Variants in SLC6A4 observed in about 807,000 individuals in gnomAD.
SLC6A4 encodes the protein sodium-dependent serotonin transporter.
Under a neutral mutation model 73.4 loss-of-function variants are expected in SLC6A4, and 22 were observed. The ratio of observed to expected loss-of-function variants is 0.30; its 90% CI spans 0.21 to 0.43. The LOEUF (loss-of-function observed/expected upper bound fraction) is 0.43, where lower values mean the gene tolerates loss of function less well. Ranked by LOEUF, SLC6A4 falls within the 20% of genes least tolerant of loss-of-function variation. SLC6A4 has a pLI of 1.00. For synonymous variants in SLC6A4, 270 were observed against 315.5 expected (o/e 0.86, Z 1.53); for missense variants, 593 against 808.5 (o/e 0.73, Z 3.23).
At chr17:30,229,796 G>A (rs1297118193) in intron 1 of SLC6A4, among the ~76,000 whole-genome samples, 5 of 151,914 alleles carry the variant, frequency 3.3e-5, no homozygotes, top group African/African-American at 4.8e-5. Context: ...CAAGGTGGGC[G>A]GATCACCTGA....
intron 13 of SLC6A4, chr17:30,206,082 T>C (rs1336521767): frequency 6.6e-6 from 1 of 152,134 alleles, no homozygotes. Context: ...ATGCTGGGAT[T>C]ACAGGTGTGA....
intron 1 of SLC6A4, among the ~76,000 whole-genome samples, chr17:30,229,783 G>A (rs1907030214): frequency 6.6e-6 from 1 of 151,966 alleles, no homozygotes; most frequent in Non-Finnish European, 1.5e-5. Context: ...CACTTTGGGA[G>A]GCCAAGGTGG....
At chr17:30,214,936 CTCTTTCTT>C (rs199760881) in intron 8 of SLC6A4, among the ~76,000 whole-genome samples, 5 of 150,988 alleles carry the variant, frequency 3.3e-5, no homozygotes, top group African/African-American at 9.8e-5. Flanking sequence ...CCCCGTCTCT[CTCTTTCTT>C]TCTTTCTTTC....
chr17:30,207,704 A>T (rs1185257652), intron 13 of SLC6A4, 28 bp downstream of exon 13: 1 of 1,458,272 alleles, frequency 6.9e-7, no homozygotes, highest in Middle Eastern at 1.7e-4. Context: ...TCGCCAGGGC[A>T]AGGAGGAGAA....
intron 10 of SLC6A4, 53 bp from the exon 11 acceptor site, chr17:30,210,699 C>A (rs1368329325): frequency 1.9e-6 from 3 of 1,563,072 alleles, no homozygotes; most frequent in Admixed American, 1.9e-5. Flanking sequence ...AAGGCTGTGG[C>A]CTTCAGGACA....
chr17:30,223,936 C>CATTT (rs993117921), intron 1 of SLC6A4, among the ~76,000 whole-genome samples: 6 of 152,206 alleles, frequency 3.9e-5, no homozygotes, highest in Non-Finnish European at 8.8e-5. Context: ...CATAGGTAAC[C>CATTT]ATTTACCAGG....
At chr17:30,208,194 G>C (rs1236877061) in intron 12 of SLC6A4, among the ~76,000 whole-genome samples, 1 of 152,092 alleles carries the variant, frequency 6.6e-6, no homozygotes, top group East Asian at 1.9e-4. Flanking sequence ...CCCCCTTCTT[G>C]GTGCCACACC....
intron 5 of SLC6A4, 63 bp from the exon 6 acceptor site, chr17:30,217,367 G>C: frequency 6.6e-7 from 1 of 1,520,886 alleles, no homozygotes. Flanking sequence ...GCACACATCT[G>C]TGCTGCTCCT....
In SLC6A4 at chr17:30,216,196, G is replaced by A. The variant is rs1963298913; in HGVS notation, c.858C>T (p.Thr286=). The A allele has an allele frequency of 6.2e-7, 1 of 1,610,328 alleles. No individual in the cohort carries two copies. The highest frequency in any genetic ancestry group is 8.5e-7 in the Non-Finnish European group (1 of 1,178,176). The change falls in exon 7 of 15, where the codon ACC becomes ACT. Residue 286 remains threonine, a synonymous_variant. Transcript: ENST00000650711. ...TSGKVVWVTA[T]FPYIILSVLL... is the part of the protein sequence containing the mutation. ...GGACAGAAAGGATGATATAAGGGAA[G>A]GTGGCTGTCACCCACACCACCTGTA... is the stretch of plus-strand genomic sequence containing the variant.
chr17:30,218,697 G>A (rs966171619), intron 4 of SLC6A4, 100 bp downstream of exon 4: 30 of 1,282,366 alleles, frequency 2.3e-5, no homozygotes, highest in Non-Finnish European at 2.0e-5. Flanking sequence ...GATGCCTAAG[G>A]CCTGACTGAT....
At position 30,209,194 on chromosome 17, in the gene SLC6A4, CG is replaced by C; in HGVS notation, c.1497del (p.Ala500GlnfsTer7). ...TCGATCAGCGCGACAGTGAGCACTG[CG>C]GGCCCCGTGGCATACTCCTCCAGCA... ...VKLLEEYATG[P>X]AVLTVALIEA... On this transcript the variant is annotated frameshift_variant, in exon 12 of 15. Coordinates refer to ENST00000650711, the MANE Select transcript of SLC6A4 (RefSeq NM_001045.6). LOFTEE classifies it high-confidence loss of function. The C allele has an allele frequency of 6.2e-7, 1 of 1,613,768 alleles. No individual in the cohort carries two copies. Among genetic ancestry groups the C allele is most frequent in the Non-Finnish European group, 8.5e-7 (1 of 1,179,798 alleles).
chr17:30,210,611 C>T lies in SLC6A4; in HGVS notation c.1353G>A (p.Leu451=). The T allele has an allele frequency of 6.2e-7, 1 of 1,613,670 alleles. No homozygotes were observed. The highest frequency in any genetic ancestry group is 1.3e-5 in the African/African-American group (1 of 74,964). ...AGLEGVITAV[L]DEFPHVWAKR... is the part of the protein sequence containing the mutation. ...TGGCCCAGACGTGTGGGAACTCATC[C>T]AGCACAGCCGTGATCACCCCCTCCA... The change falls in exon 11 of 15, where the codon CTG becomes CTA. Residue 451 remains leucine, a synonymous_variant. Coordinates refer to ENST00000650711, the MANE Select transcript of SLC6A4 (RefSeq NM_001045.6).
chr17:30,201,857 A>G (rs757796255), intron 14 of SLC6A4, among the ~76,000 whole-genome samples: 2 of 152,226 alleles, frequency 1.3e-5, no homozygotes, highest in Non-Finnish European at 2.9e-5. Context: ...CGGCAATCCC[A>G]GCACTTTGGG....
intron 12 of SLC6A4, among the ~76,000 whole-genome samples, chr17:30,208,710 G>A (rs1028543792): frequency 5.3e-5 from 8 of 152,230 alleles, no homozygotes; most frequent in East Asian, 3.9e-4. Context: ...TGTTTGTTTC[G>A]AGACAGACTC....
intron 1 of SLC6A4, among the ~76,000 whole-genome samples, chr17:30,225,165 C>G (rs1442304561): frequency 6.6e-6 from 1 of 152,104 alleles, no homozygotes; most frequent in Non-Finnish European, 1.5e-5. Context: ...AACCCCCACC[C>G]TCATCATAGA....
chr17:30,214,914 G>C (rs7216572), intron 8 of SLC6A4, among the ~76,000 whole-genome samples: 1 of 151,372 alleles, frequency 6.6e-6, no homozygotes, highest in African/African-American at 2.4e-5. Flanking sequence ...ATTACAGGTG[G>C]GAGCCACCGC....
rs1906640219 is a variant in SLC6A4 at position 30,218,215 on chromosome 17, T to TGCAGCTGGTCCAGG, written c.587_600dup (p.Lys201ProfsTer66). ...CAGTTGCCAGTGTTCCAGGAGTTCT[T>TGCAGCTGGTCCAGG]GCAGCTGGTCCAGGGCAGCTGGTCC... is the stretch of plus-strand genomic sequence containing the variant. On this transcript the variant is annotated frameshift_variant, in exon 5 of 15. Coordinates refer to ENST00000650711, the MANE Select transcript of SLC6A4 (RefSeq NM_001045.6). LOFTEE classifies it high-confidence loss of function. 2.5e-6 allele frequency: 4 copies of TGCAGCTGGTCCAGG among 1,614,200 alleles called. No individual in the cohort carries two copies. Among genetic ancestry groups the TGCAGCTGGTCCAGG allele is most frequent in the Non-Finnish European group, 3.4e-6 (4 of 1,180,022 alleles).
At chr17:30,223,854 C>A (rs1057334214) in intron 1 of SLC6A4, among the ~76,000 whole-genome samples, 1 of 152,206 alleles carries the variant, frequency 6.6e-6, no homozygotes, top group Middle Eastern at 3.4e-3. Context: ...GGCCTCCCCC[C>A]ACTTCCCCCT....
intron 1 of SLC6A4, among the ~76,000 whole-genome samples, chr17:30,229,547 A>C (rs902965687): frequency 1.3e-5 from 2 of 152,070 alleles, no homozygotes; most frequent in African/African-American, 4.8e-5. Context: ...TCTTTTAGGC[A>C]CTTTTGAGGT....
Sources: allele counts gnomAD v4.1 joint callset (sites outside exome capture counted in the v4.1 genomes callset), GRCh38; gene constraint gnomAD v4.1.1; transcripts MANE v1.5; gene names NCBI Gene and HGNC (gene_info 2026-07-23, HGNC 2026-07-21).